The following RASGRF2 variants were observed in gnomAD, a reference collection of about 807,000 sequenced individuals.
The protein encoded by RASGRF2 is Ras protein specific guanine nucleotide releasing factor 2, also known as ras-specific guanine nucleotide-releasing factor 2.
A neutral mutation model predicts 151.0 loss-of-function variants in RASGRF2; 76 were observed. The observed-to-expected ratio is 0.50, with a 90% CI of 0.42 to 0.61. RASGRF2 has a LOEUF of 0.61. Ranked by LOEUF, RASGRF2 falls within the 20% of genes least tolerant of loss-of-function variation. The pLI, the probability that RASGRF2 is intolerant of heterozygous loss-of-function variation, is 0.00. For missense variants in RASGRF2, 1,148 were observed against 1,564.6 expected, an observed-to-expected ratio of 0.73 and a Z score of 4.49; for synonymous variants, 504 against 566.5, an observed-to-expected ratio of 0.89 and a Z score of 1.57.
chr5:80,977,493 G>T (rs965641756), intron 1 of RASGRF2, among the ~76,000 whole-genome samples: 1 of 131,896 alleles, frequency 7.6e-6, no homozygotes, highest in African/African-American at 2.9e-5. Context: ...ATGGAATTTT[G>T]CTCTTGTCCC....
At chr5:81,202,333 C>T (rs1176377991) in intron 19 of RASGRF2, among the ~76,000 whole-genome samples, 1 of 152,186 alleles carries the variant, frequency 6.6e-6, no homozygotes, top group Non-Finnish European at 1.5e-5. Context: ...AATGACCCTT[C>T]CTTTCCTCGA....
intron 23 of RASGRF2, among the ~76,000 whole-genome samples, chr5:81,213,785 C>A (rs1207751273): frequency 1.3e-5 from 2 of 152,052 alleles, no homozygotes; most frequent in African/African-American, 4.8e-5. Flanking sequence ...CCCCTTAGAA[C>A]TCAAAAGTCC....
At chr5:81,148,167 G>A (rs1378097007) in intron 17 of RASGRF2, among the ~76,000 whole-genome samples, 2 of 152,322 alleles carry the variant, frequency 1.3e-5, no homozygotes, top group Middle Eastern at 3.4e-3. Context: ...ACAGTTGAAG[G>A]AACAGGCTCA....
intron 1 of RASGRF2, among the ~76,000 whole-genome samples, chr5:80,985,744 C>A (rs543618555): frequency 2.0e-4 from 30 of 152,186 alleles, no homozygotes; most frequent in African/African-American, 7.0e-4. Flanking sequence ...TTTTAAGTGA[C>A]CCAGCACAGG....
rs370190434 is a variant in RASGRF2, at chr5:81,214,456, A to C, written c.3355-1420A>C. ...TACAGCTGTCCCTTCTCTGCATCTGAGATCAGCCGGGGAGTTGTTCAGCAG... is the reference window on the plus strand; with the variant it reads ...TACAGCTGTCCCTTCTCTGCATCTGCGATCAGCCGGGGAGTTGTTCAGCAG... On this transcript the variant is annotated intron_variant, in intron 23 of 26. Coordinates refer to ENST00000265080, the MANE Select transcript of RASGRF2 (RefSeq NM_006909.3). Among the ~76,000 whole-genome samples the C allele has an allele frequency of 2.2e-4, 33 of 152,294 alleles. No homozygotes were observed. In the East Asian group the frequency reaches 2.9e-3, roughly 13 times the overall value.
At position 81,134,940 on chromosome 5, in the gene RASGRF2, T is replaced by TAC. The variant is rs1187575917; in HGVS notation, c.2686+7778_2686+7779insCA. ...AAGTAATAAAAACTGTTGTAGTAAT[T>TAC]ATTCTCTAGTTACATTTTTATAATG... On this transcript the variant is annotated intron_variant, in intron 17 of 26. Transcript: ENST00000265080. Among the ~76,000 whole-genome samples the TAC allele has an allele frequency of 1.2e-3, 177 of 152,292 alleles. 1 individual carries two copies. The highest frequency in any genetic ancestry group is 6.5e-4 in the Non-Finnish European group (44 of 68,030).
intron 17 of RASGRF2, among the ~76,000 whole-genome samples, chr5:81,175,551 C>T (rs566107464): frequency 1.1e-3 from 168 of 151,950 alleles, no homozygotes; most frequent in African/African-American, 3.9e-3. Context: ...GTTGGGAGTT[C>T]GAGACCAGCC....
chr5:81,226,069 G>C lies in RASGRF2; in HGVS notation c.*299G>C, dbSNP rs926976580. ...GCCATTTTAACAAAGCAGGTAAATC[G>C]GTAAATTTTAAACTCTGTCCATGTT... On this transcript the variant is annotated 3_prime_UTR_variant, in exon 27 of 27. Transcript: ENST00000265080. 1 of 250,018 alleles carries C rather than the reference G, an allele frequency of 4.0e-6. No individual in the cohort carries two copies. The highest frequency in any genetic ancestry group is 7.6e-6 in the Non-Finnish European group (1 of 132,010). 15.5% of individuals were successfully genotyped at this position (250,018 alleles called of 1,614,324 possible).
Position 81,068,156 on chromosome 5 carries a change from G to A in RASGRF2, c.520G>A (p.Glu174Lys). ...ACATCAACTTGAAGATCAAGACACA[G>A]AAATCGAAAGGCTTAAATCAGAGGT... ...LRHQLEDQDTEIERLKSEIIA... is the reference protein window; with the variant it reads ...LRHQLEDQDTKIERLKSEIIA... The change falls in exon 3 of 27, where the codon GAA (glutamate) becomes AAA (lysine). Residue 174 changes from glutamate (E) to lysine (K), a missense_variant. This residue lies in a region of RASGRF2 where 221 missense variants were observed against 271.3 expected (regional missense o/e 0.81). Transcript: ENST00000265080. 6.2e-7 allele frequency: 1 copy of A among 1,612,306 alleles called. No individual in the cohort carries two copies.
At chr5:81,087,585 A>G in intron 9 of RASGRF2, 1 of 558,288 alleles carries the variant, frequency 1.8e-6, no homozygotes, top group Non-Finnish European at 3.2e-6. Context: ...TTGTGCCGGA[A>G]ACTGTGGAGA....
chr5:81,225,537 G>T, intron 26 of RASGRF2, 141 bp from the exon 27 acceptor site: 7 of 1,177,650 alleles, frequency 5.9e-6, no homozygotes, highest in East Asian at 3.1e-5. Context: ...TTTTAACAAT[G>T]GAAACATATT....
intron 11 of RASGRF2, among the ~76,000 whole-genome samples, chr5:81,094,612 T>A (rs61581447): frequency 0.034 from 5,162 of 151,970 alleles, 194 homozygotes; most frequent in African/African-American, 0.095. Context: ...GAATTTTTTT[T>A]AAAAAAAACT....
intron 12 of RASGRF2, among the ~76,000 whole-genome samples, chr5:81,098,396 T>A (rs1177732944): frequency 6.6e-6 from 1 of 152,004 alleles, no homozygotes; most frequent in Non-Finnish European, 1.5e-5. Context: ...AGATACTGCA[T>A]CATTTGGGTG....
chr5:81,159,215 G>A (rs547059553), intron 17 of RASGRF2, among the ~76,000 whole-genome samples: 4 of 152,186 alleles, frequency 2.6e-5, no homozygotes, highest in South Asian at 2.1e-4. Context: ...TGGATGAAAC[G>A]CAAAAATATG....
chr5:81,031,572 G>A (rs1750249384), intron 1 of RASGRF2, among the ~76,000 whole-genome samples: 1 of 152,124 alleles, frequency 6.6e-6, no homozygotes, highest in South Asian at 2.1e-4. Context: ...CGAAATGAAG[G>A]CAGAAATAAA....
chr5:81,045,629 T>A (rs1750811906), intron 2 of RASGRF2, among the ~76,000 whole-genome samples: 1 of 152,198 alleles, frequency 6.6e-6, no homozygotes, highest in Middle Eastern at 3.4e-3. Context: ...TGTTTTGACT[T>A]TTTGGTCCAT....
At chr5:81,166,676 G>T (rs1754518020) in intron 17 of RASGRF2, among the ~76,000 whole-genome samples, 1 of 152,090 alleles carries the variant, frequency 6.6e-6, no homozygotes, top group Admixed American at 6.5e-5. Context: ...AGGGACGAAG[G>T]GCTGGTAATT....
At chr5:81,218,945 A>G (rs917586007) in intron 25 of RASGRF2, among the ~76,000 whole-genome samples, 3 of 152,136 alleles carry the variant, frequency 2.0e-5, no homozygotes, top group Non-Finnish European at 4.4e-5. Flanking sequence ...TATATTCCTA[A>G]GTATTGATTG....
chr5:81,055,137 G>A (rs1369109799), intron 2 of RASGRF2, among the ~76,000 whole-genome samples: 1 of 152,060 alleles, frequency 6.6e-6, no homozygotes, highest in Admixed American at 6.6e-5. Context: ...CCACCTGATT[G>A]CCCTGGCCAG....
Sources: gnomAD v4.1 joint callset for allele counts (sites outside exome capture counted in the v4.1 genomes callset) on GRCh38, gnomAD v4.1.1 for gene constraint, gnomAD v4.1.1 regional missense constraint, MANE v1.5 for transcripts, NCBI Gene and HGNC (gene_info 2026-07-23, HGNC 2026-07-21) for gene names.